Variants in KIF21A observed in about 807,000 individuals in gnomAD.
KIF21A encodes the protein kinesin family member 21A, also known as kinesin-like protein KIF21A.
Under a neutral mutation model 202.9 loss-of-function variants are expected in KIF21A, and 114 were observed. The ratio of observed to expected loss-of-function variants is 0.56; its 90% CI spans 0.48 to 0.66. The LOEUF (loss-of-function observed/expected upper bound fraction) is 0.66. KIF21A is among the 30% of genes least tolerant of loss of function. The pLI, the probability that KIF21A is intolerant of heterozygous loss-of-function variation, is 0.00. For synonymous variants in KIF21A, 667 were observed against 670.8 expected (o/e 0.99, Z 0.09); for missense variants, 1,677 against 1,994.9 (o/e 0.84, Z 3.04).
intron 8 of KIF21A, 97 bp downstream of exon 8, chr12:39,358,081 G>C (rs1214866847): frequency 5.7e-6 from 6 of 1,058,972 alleles, no homozygotes; most frequent in Non-Finnish European, 8.9e-6. Flanking sequence ...TGACAACCAA[G>C]AGATTCCAGA....
At chr12:39,396,013 A>G (rs966034176) in intron 1 of KIF21A, among the ~76,000 whole-genome samples, 1 of 152,016 alleles carries the variant, frequency 6.6e-6, no homozygotes, top group Admixed American at 6.5e-5. Context: ...AACCAGGCAC[A>G]GGGCCCCTGT....
At chr12:39,321,495 CATCTT>C (rs1443555008) in intron 27 of KIF21A, 1 of 152,152 alleles carries the variant, frequency 6.6e-6, no homozygotes, top group Non-Finnish European at 1.5e-5. Flanking sequence ...CTTCTATTCT[CATCTT>C]ATCACAAAAG....
At chr12:39,399,272 T>C (rs988716503) in intron 1 of KIF21A, among the ~76,000 whole-genome samples, 1 of 152,220 alleles carries the variant, frequency 6.6e-6, no homozygotes, top group Non-Finnish European at 1.5e-5. Flanking sequence ...TGATTTAAAG[T>C]ATATGTGAGG....
At chr12:39,367,643 G>A (rs1170608536) in intron 4 of KIF21A, among the ~76,000 whole-genome samples, 1 of 152,116 alleles carries the variant, frequency 6.6e-6, no homozygotes, top group Non-Finnish European at 1.5e-5. Context: ...AATGAAAACT[G>A]TTCATAAATT....
chr12:39,309,492 T>G, intron 33 of KIF21A, 94 bp downstream of exon 33: 1 of 890,944 alleles, frequency 1.1e-6, no homozygotes, highest in South Asian at 1.6e-5. Context: ...AAAATTAAAA[T>G]GCATTTATAG....
chr12:39,339,402 C>T (rs1396768497), intron 16 of KIF21A, among the ~76,000 whole-genome samples: 3 of 152,024 alleles, frequency 2.0e-5, no homozygotes, highest in Non-Finnish European at 4.4e-5. Flanking sequence ...AGCCTAGGAG[C>T]AACAGGCTAT....
In KIF21A at chr12:39,403,344, A is replaced by T. The variant is rs74086516; in HGVS notation, c.45-33083T>A. 3.9e-3 allele frequency among the ~76,000 whole-genome samples: 591 copies of T among 152,376 alleles called. 3 individuals are homozygous for T. Among genetic ancestry groups the T allele is most frequent in the African/African-American group, 0.013 (561 of 41,596 alleles). On this transcript the variant is annotated intron_variant, in intron 1 of 37. Transcript: ENST00000361418. ...AAAAATGCCAAAATCTAATCAGCAT[A>T]CTAAGTTTTTAATTAGAAAAAGTTT...
At position 39,404,156 on chromosome 12, in the gene KIF21A, GCTACT is replaced by G. The variant is rs574555007; in HGVS notation, c.45-33900_45-33896del. On this transcript the variant is annotated intron_variant, in intron 1 of 37. Transcript: ENST00000361418. ...AGTGGCTATCCACAGACACAATCAT[GCTACT>G]CTACTACCTCCAAGTGCACTGCTGC... Among the ~76,000 whole-genome samples the G allele has an allele frequency of 1.1e-4, 17 of 152,184 alleles. No individual in the cohort carries two copies. In the East Asian group the frequency reaches 3.3e-3, roughly 29 times the overall value.
chr12:39,316,884 T>C (rs542166504), intron 29 of KIF21A, among the ~76,000 whole-genome samples: 1 of 152,270 alleles, frequency 6.6e-6, no homozygotes, highest in East Asian at 1.9e-4. Flanking sequence ...GTAAAAAATA[T>C]GGAACTGTGA....
intron 1 of KIF21A, among the ~76,000 whole-genome samples, chr12:39,392,834 T>C (rs1173003170): frequency 6.8e-6 from 1 of 146,258 alleles, no homozygotes; most frequent in East Asian, 2.0e-4. Flanking sequence ...TGAGCCATAC[T>C]AGATGTTTAC....
intron 27 of KIF21A, chr12:39,321,456 C>T (rs146202103): frequency 6.4e-4 from 97 of 152,294 alleles, no homozygotes; most frequent in African/African-American, 2.1e-3. Context: ...GACCTCAGTT[C>T]TACATCACTA....
chr12:39,347,322 A>C (rs1303941927), intron 11 of KIF21A, among the ~76,000 whole-genome samples: 1 of 151,840 alleles, frequency 6.6e-6, no homozygotes, highest in African/African-American at 2.4e-5. Context: ...TATCATGTGT[A>C]AAGGGTTTTA....
At chr12:39,317,271 CCAGA>C (rs1185994025) in intron 29 of KIF21A, among the ~76,000 whole-genome samples, 2 of 151,920 alleles carry the variant, frequency 1.3e-5, no homozygotes, top group African/African-American at 4.8e-5. Context: ...TCTAAACATG[CCAGA>C]CAGACAGATC....
rs142000205 is a variant in KIF21A at position 39,392,959 on chromosome 12, T to G, written c.45-22698A>C. On this transcript the variant is annotated intron_variant, in intron 1 of 37. Transcript: ENST00000361418. The stretch of plus-strand genomic sequence containing the variant: ...TAAAATAAAGACAATAAAATAAAAT[T>G]CAGATTGTGGGAAAATATATACTAT... Among the ~76,000 whole-genome samples the G allele has an allele frequency of 4.1e-5, 6 of 146,260 alleles. No homozygotes were observed. In the East Asian group the frequency reaches 1.2e-3, roughly 29 times the overall value.
intron 1 of KIF21A, among the ~76,000 whole-genome samples, chr12:39,379,886 T>C (rs1950505839): frequency 6.6e-6 from 1 of 152,242 alleles, no homozygotes; most frequent in Non-Finnish European, 1.5e-5. Context: ...TCCTAAATTA[T>C]ATTGTTTTGA....
chr12:39,302,379 C>T lies in KIF21A; in HGVS notation c.4731+586G>A, dbSNP rs377726479. Among the ~76,000 whole-genome samples the T allele has an allele frequency of 1.6e-3, 239 of 152,102 alleles. 1 individual carries two copies. Among genetic ancestry groups the T allele is most frequent in the African/African-American group, 5.4e-3 (226 of 41,482 alleles). ...ACAAGCAGGAAAGTGGAAGCAACTA[C>T]GACATATAAATACCCACACATATAT... On this transcript the variant is annotated intron_variant, in intron 36 of 37. Transcript: ENST00000361418.
chr12:39,327,726 T>A (rs1367560038), intron 24 of KIF21A, among the ~76,000 whole-genome samples: 1 of 152,206 alleles, frequency 6.6e-6, no homozygotes, highest in East Asian at 1.9e-4. Flanking sequence ...ACTCAGGCCC[T>A]CTTCAGGACC....
intron 11 of KIF21A, among the ~76,000 whole-genome samples, chr12:39,347,191 T>C (rs1242824659): frequency 6.6e-6 from 1 of 151,386 alleles, no homozygotes; most frequent in Non-Finnish European, 1.5e-5. Flanking sequence ...TTACTAATTA[T>C]TATAAACTAA....
intron 1 of KIF21A, among the ~76,000 whole-genome samples, chr12:39,428,491 A>G (rs1954933568): frequency 1.3e-5 from 2 of 152,184 alleles, no homozygotes; most frequent in South Asian, 4.1e-4. Context: ...ATTGAGTAAG[A>G]TCCTTAGAAA....
Sources: gnomAD v4.1 joint callset for allele counts (sites outside exome capture counted in the v4.1 genomes callset) on GRCh38, gnomAD v4.1.1 for gene constraint, MANE v1.5 for transcripts, NCBI Gene and HGNC (gene_info 2026-07-23, HGNC 2026-07-21) for gene names.